PPIG: variants seen among roughly 807,000 people sequenced by gnomAD.
PPIG encodes the protein peptidyl-prolyl cis-trans isomerase G.
Under a neutral mutation model 87.9 loss-of-function variants are expected in PPIG, and 26 were observed. That is an observed-to-expected ratio of 0.30 (90% CI 0.22 to 0.41). PPIG has a LOEUF of 0.41. Among genes scored for constraint, PPIG ranks in the 10% least tolerant of loss-of-function variants. PPIG has a pLI of 1.00. For synonymous variants in PPIG, 308 were observed against 276.5 expected (o/e 1.11, Z -1.13); for missense variants, 722 against 879.4 (o/e 0.82, Z 2.26).
chr2:169,632,379 A>G (rs1193846416), intron 11 of PPIG, among the ~76,000 whole-genome samples: 1 of 152,202 alleles, frequency 6.6e-6, no homozygotes, highest in Non-Finnish European at 1.5e-5. Context: ...AAATCCTGAA[A>G]AAAGTTTACT....
Position 169,630,841 on chromosome 2 carries a change from T to G in PPIG, c.615T>G (p.Asp205Glu). ...CCTCCTCCTCATCTAGTGACTCAGA[T>G]AGCTCAAGTGATTCTCAGTCCTCTT... is the stretch of plus-strand genomic sequence containing the variant. ...SSSSSSSSDS[D>E]SSSDSQSSSD... The change falls in exon 10 of 14, where the codon GAT becomes GAG. Residue 205 changes from aspartate (D) to glutamate (E), a missense_variant. Asp to Glu is a conservative substitution (Grantham distance 45). Around this residue, in one of 4 missense-constraint regions of PPIG, gnomAD observed 142 missense variants for 152.8 expected, o/e 0.93. Coordinates refer to ENST00000260970, the MANE Select transcript of PPIG (RefSeq NM_004792.3). 6.2e-7 allele frequency: 1 copy of G among 1,613,038 alleles called. No individual in the cohort carries two copies. The highest frequency in any genetic ancestry group is 1.1e-5 in the South Asian group (1 of 90,754).
rs551289276 is a variant in PPIG at position 169,599,475 on chromosome 2, C to A, written c.-69-4167C>A. 3.8e-4 allele frequency among the ~76,000 whole-genome samples: 58 copies of A among 151,948 alleles called. 1 individual carries two copies. In the South Asian group the frequency reaches 0.012, roughly 31 times the overall value. On this transcript the variant is annotated intron_variant, in intron 1 of 13. Transcript: ENST00000260970. ...GTGCTTACTGTTATTTAAAAAAAAA[C>A]CCAAGGACTATTTTATTTTAAATGG...
At chr2:169,588,527 A>G (rs978788441) in intron 1 of PPIG, among the ~76,000 whole-genome samples, 2 of 152,194 alleles carry the variant, frequency 1.3e-5, no homozygotes, top group Non-Finnish European at 2.9e-5. Context: ...TGAAACTCCA[A>G]ATGTTCTTAT....
In PPIG at chr2:169,635,684, T is replaced by G. The variant is rs1274955650; in HGVS notation, c.1018-408T>G. 1.3e-5 allele frequency among the ~76,000 whole-genome samples: 2 copies of G among 152,186 alleles called. 1 individual carries two copies. Among genetic ancestry groups the G allele is most frequent in the South Asian group, 4.1e-4 (2 of 4,824 alleles). On this transcript the variant is annotated intron_variant, in intron 12 of 13. Coordinates refer to ENST00000260970, the MANE Select transcript of PPIG (RefSeq NM_004792.3). ...ATGAGAAATATTTGCTTTGAAACAT[T>G]AAGTATATATAACATTTAGATTGGA...
chr2:169,595,618 T>C (rs2105476902), intron 1 of PPIG, among the ~76,000 whole-genome samples: 1 of 152,292 alleles, frequency 6.6e-6, no homozygotes, highest in Middle Eastern at 3.4e-3. Context: ...AGAGTTCAAT[T>C]GTTTAAATTT....
chr2:169,614,341 G>T, intron 7 of PPIG, 123 bp from the exon 8 acceptor site: 2 of 835,550 alleles, frequency 2.4e-6, no homozygotes, highest in Non-Finnish European at 3.9e-6. Flanking sequence ...TATTAAGATA[G>T]CAGTTGATGT....
At chr2:169,600,942 G>A (rs987067707) in intron 1 of PPIG, among the ~76,000 whole-genome samples, 14 of 145,632 alleles carry the variant, frequency 9.6e-5, no homozygotes, top group African/African-American at 3.1e-4. Flanking sequence ...AACCTTATAC[G>A]TAAAGCTGAA....
At chr2:169,597,159 T>C (rs34133104) in intron 1 of PPIG, among the ~76,000 whole-genome samples, 23,500 of 152,140 alleles carry the variant, frequency 0.15, 1,914 homozygotes, top group Non-Finnish European at 0.18. Context: ...GGATATGTTA[T>C]AATAATTTTT....
At chr2:169,604,290 A>ACATTTTCAACT in intron 4 of PPIG, 29 bp downstream of exon 4, 1 of 1,323,998 alleles carries the variant, frequency 7.6e-7, no homozygotes, top group Non-Finnish European at 1.1e-6. Context: ...CTGCCCTAAT[A>ACATTTTCAACT]GTAGTCTCAG....
At chr2:169,605,324 C>T (rs999462238) in intron 4 of PPIG, among the ~76,000 whole-genome samples, 8 of 151,416 alleles carry the variant, frequency 5.3e-5, no homozygotes, top group Middle Eastern at 3.4e-3. Context: ...AAGAGTGAAA[C>T]TCTGTCTCAA....
chr2:169,604,828 C>T (rs1026350904), intron 4 of PPIG, among the ~76,000 whole-genome samples: 5 of 150,192 alleles, frequency 3.3e-5, no homozygotes, highest in Admixed American at 2.0e-4. Context: ...GAGCCGAGAT[C>T]GTGCCATTGC....
chr2:169,593,259 A>G (rs972378065), intron 1 of PPIG, among the ~76,000 whole-genome samples: 2 of 152,026 alleles, frequency 1.3e-5, no homozygotes, highest in Admixed American at 6.6e-5. Context: ...CAATGGCACA[A>G]TCTCAGCTCA....
intron 1 of PPIG, among the ~76,000 whole-genome samples, chr2:169,593,562 T>C (rs574206599): frequency 6.6e-6 from 1 of 152,298 alleles, no homozygotes; most frequent in East Asian, 1.9e-4. Flanking sequence ...TTTCACTCTT[T>C]TTTTGTCTTC....
At chr2:169,587,778 C>T (rs949706904) in intron 1 of PPIG, among the ~76,000 whole-genome samples, 3 of 152,130 alleles carry the variant, frequency 2.0e-5, no homozygotes, top group Non-Finnish European at 2.9e-5. Context: ...AGAATAATGG[C>T]TTAAAATGAT....
chr2:169,604,309 G>GGCTGGCTT (rs1553545056), intron 4 of PPIG, 48 bp downstream of exon 4: 3 of 1,103,700 alleles, frequency 2.7e-6, no homozygotes, highest in Non-Finnish European at 3.9e-6. Flanking sequence ...AGTTGACTAT[G>GGCTGGCTT]GCTTGCTTGC....
intron 9 of PPIG, among the ~76,000 whole-genome samples, chr2:169,628,378 A>G (rs897765807): frequency 2.6e-5 from 4 of 152,196 alleles, no homozygotes; most frequent in African/African-American, 9.7e-5. Context: ...CCCATTCTCA[A>G]GTGCAGCAAC....
Position 169,598,843 on chromosome 2 carries a change from G to T in PPIG, c.-69-4799G>T, listed in dbSNP as rs28608752. On this transcript the variant is annotated intron_variant, in intron 1 of 13. Coordinates refer to ENST00000260970, the MANE Select transcript of PPIG (RefSeq NM_004792.3). Reference sequence around the variant, plus strand: ...TATAAATACAGGTAAATATTTATATGTATATAAATACAGGTAAATATATTT... The same window carrying T: ...TATAAATACAGGTAAATATTTATATTTATATAAATACAGGTAAATATATTT... Among the ~76,000 whole-genome samples the T allele has an allele frequency of 7.2e-4, 80 of 110,392 alleles. 1 individual carries two copies. In the East Asian group the frequency reaches 0.018, roughly 24 times the overall value. The allele number at this position is 110,392 out of a possible 152,430, so 72.4% of individuals were successfully genotyped here.
At chr2:169,631,503 A>G (rs1686050807) in intron 10 of PPIG, 2 of 1,052,214 alleles carry the variant, frequency 1.9e-6, no homozygotes, top group Non-Finnish European at 2.4e-6. Flanking sequence ...TGCATTGCTC[A>G]CATAGTTTCA....
At chr2:169,598,466 T>G (rs1685083353) in intron 1 of PPIG, among the ~76,000 whole-genome samples, 3 of 152,108 alleles carry the variant, frequency 2.0e-5, no homozygotes, top group Non-Finnish European at 4.4e-5. Flanking sequence ...AATTTTTTTG[T>G]ATTTTTAGGG....
Sources: gnomAD v4.1 joint callset for allele counts (sites outside exome capture counted in the v4.1 genomes callset) on GRCh38, gnomAD v4.1.1 for gene constraint, gnomAD v4.1.1 regional missense constraint, MANE v1.5 for transcripts, NCBI Gene and HGNC (gene_info 2026-07-23, HGNC 2026-07-21) for gene names.